The following PPP1R9A variants were observed in gnomAD, a reference collection of about 807,000 sequenced individuals.
PPP1R9A encodes the protein neurabin-1.
In PPP1R9A, 59 loss-of-function variants were observed where a neutral mutation model predicts 141.9. That is an observed-to-expected ratio of 0.42 (90% CI 0.34 to 0.52). PPP1R9A has a LOEUF of 0.52. Ranked by LOEUF, PPP1R9A falls within the 20% of genes least tolerant of loss-of-function variation. The pLI is 0.10. For synonymous variants in PPP1R9A, 500 were observed against 569.7 expected (o/e 0.88, Z 1.74); for missense variants, 1,444 against 1,611.9 (o/e 0.90, Z 1.78).
At chr7:95,183,924 A>C (rs1020948829) in intron 5 of PPP1R9A, among the ~76,000 whole-genome samples, 1 of 152,118 alleles carries the variant, frequency 6.6e-6, no homozygotes, top group South Asian at 2.1e-4. Flanking sequence ...GCTGGAGTGC[A>C]GTGGCCAGAT....
intron 2 of PPP1R9A, among the ~76,000 whole-genome samples, chr7:95,104,701 C>A (rs1819268616): frequency 6.6e-6 from 1 of 152,160 alleles, no homozygotes; most frequent in South Asian, 2.1e-4. Context: ...GATCAGTGAA[C>A]TAACCTTAAT....
At chr7:94,954,964 ATT>A (rs1413815483) in intron 2 of PPP1R9A, among the ~76,000 whole-genome samples, 5 of 151,724 alleles carry the variant, frequency 3.3e-5, no homozygotes, top group African/African-American at 1.2e-4. Flanking sequence ...CATTTAGGTC[ATT>A]TTTGTTATTC....
chr7:95,159,961 A>G (rs866746926), intron 4 of PPP1R9A, among the ~76,000 whole-genome samples: 31 of 151,604 alleles, frequency 2.0e-4, no homozygotes, highest in Middle Eastern at 3.4e-3. Context: ...GAAAGAAAAA[A>G]TGTGACTCAA....
At chr7:94,935,979 T>G (rs1223879930) in intron 2 of PPP1R9A, among the ~76,000 whole-genome samples, 2 of 152,184 alleles carry the variant, frequency 1.3e-5, no homozygotes, top group Non-Finnish European at 2.9e-5. Flanking sequence ...AAATAATTGA[T>G]AGTAGTAAAG....
At chr7:94,914,350 A>G (rs1791807217) in intron 2 of PPP1R9A, among the ~76,000 whole-genome samples, 1 of 152,200 alleles carries the variant, frequency 6.6e-6, no homozygotes, top group Admixed American at 6.5e-5. Context: ...ATATTTCCAT[A>G]AGATGTCTTA....
intron 4 of PPP1R9A, among the ~76,000 whole-genome samples, chr7:95,141,939 C>T (rs926496792): frequency 6.6e-6 from 1 of 152,004 alleles, no homozygotes; most frequent in Non-Finnish European, 1.5e-5. Context: ...GCCTTTTGAG[C>T]AACTACTAGA....
At chr7:94,985,309 G>T (rs927022234) in intron 2 of PPP1R9A, among the ~76,000 whole-genome samples, 7 of 152,158 alleles carry the variant, frequency 4.6e-5, no homozygotes, top group Admixed American at 6.5e-5. Flanking sequence ...GTTGATTTGG[G>T]GTGGAGAGTT....
At chr7:95,075,698 G>A (rs946623947) in intron 2 of PPP1R9A, among the ~76,000 whole-genome samples, 1 of 152,132 alleles carries the variant, frequency 6.6e-6, no homozygotes, top group East Asian at 1.9e-4. Flanking sequence ...TTAGCCTGGT[G>A]TGGTGGCGGG....
chr7:95,270,534 A>G (rs1003713084), intron 14 of PPP1R9A, among the ~76,000 whole-genome samples: 11 of 152,174 alleles, frequency 7.2e-5, no homozygotes, highest in Non-Finnish European at 1.6e-4. Context: ...AATGATAAGC[A>G]TCTAACGGAA....
intron 4 of PPP1R9A, 99 bp from the exon 5 acceptor site, chr7:95,161,767 TA>T: frequency 1.3e-6 from 1 of 774,106 alleles, no homozygotes; most frequent in Non-Finnish European, 2.0e-6. Flanking sequence ...AAGAGTATCT[TA>T]AAAATCACAT....
chr7:95,289,419 C>T lies in PPP1R9A; in HGVS notation c.3913-672C>T, dbSNP rs564627029. Among the ~76,000 whole-genome samples, 9 of 152,334 alleles carry T rather than the reference C, an allele frequency of 5.9e-5. No homozygotes were observed. In the South Asian group the frequency reaches 1.7e-3, roughly 28 times the overall value. ...CAATAGCTTGTGAATATGAAGGCCTCATTGACAAGGCTGTCCCTGTTGGGG... is the reference window on the plus strand; with the variant it reads ...CAATAGCTTGTGAATATGAAGGCCTTATTGACAAGGCTGTCCCTGTTGGGG... On this transcript the variant is annotated intron_variant, in intron 19 of 19. Transcript: ENST00000433360.
chr7:95,021,189 T>C, intron 2 of PPP1R9A, among the ~76,000 whole-genome samples: 1 of 152,202 alleles, frequency 6.6e-6, no homozygotes, highest in East Asian at 1.9e-4. Context: ...AGATGGTGTC[T>C]CATTGTGGTT....
Position 95,168,828 on chromosome 7 carries a change from A to G in PPP1R9A, c.1754+6857A>G, listed in dbSNP as rs768671378. Among the ~76,000 whole-genome samples, 6 of 152,208 alleles carry G rather than the reference A, an allele frequency of 3.9e-5. No individual in the cohort carries two copies. In the South Asian group the frequency reaches 6.2e-4, roughly 16 times the overall value. On this transcript the variant is annotated intron_variant, in intron 5 of 19. Transcript: ENST00000433360. ...TCAGAGAAATGCAAAATAAAACTGT[A>G]CTAAGATATCCGCTTACCCCAATTA...
rs576392820 is a variant in PPP1R9A at position 95,255,783 on chromosome 7, A to C, written c.2665+3653A>C. ...TTTCTGATTCATGGTCTTTATGTTG[A>C]AAAGGTAGAGCCATTTGAAATGACA... On this transcript the variant is annotated intron_variant, in intron 12 of 19. Coordinates refer to ENST00000433360, the MANE Select transcript of PPP1R9A (RefSeq NM_001166160.2). Among the ~76,000 whole-genome samples the C allele has an allele frequency of 6.6e-5, 10 of 152,278 alleles. No individual in the cohort carries two copies. The South Asian group carries it at 1.5e-3, about 22-fold the overall frequency.
chr7:95,064,285 C>T (rs543907181), intron 2 of PPP1R9A, among the ~76,000 whole-genome samples: 7 of 152,148 alleles, frequency 4.6e-5, no homozygotes, highest in African/African-American at 1.4e-4. Context: ...GATTCATTAA[C>T]TTTGAACTCA....
At chr7:94,984,069 T>A (rs1040914875) in intron 2 of PPP1R9A, among the ~76,000 whole-genome samples, 2 of 152,202 alleles carry the variant, frequency 1.3e-5, no homozygotes, top group African/African-American at 4.8e-5. Context: ...GAAGGCCTTT[T>A]TTGCATCTAT....
At chr7:95,017,524 A>C (rs559809512) in intron 2 of PPP1R9A, among the ~76,000 whole-genome samples, 11 of 152,280 alleles carry the variant, frequency 7.2e-5, no homozygotes, top group African/African-American at 2.4e-4. Context: ...CTTGGGTATA[A>C]ACAAAACAAA....
At position 95,178,714 on chromosome 7, in the gene PPP1R9A, A is replaced by G. The variant is rs561721735; in HGVS notation, c.1754+16743A>G. Among the ~76,000 whole-genome samples the G allele has an allele frequency of 2.0e-5, 3 of 152,334 alleles. No homozygotes were observed. In the East Asian group the frequency reaches 5.8e-4, roughly 29 times the overall value. On this transcript the variant is annotated intron_variant, in intron 5 of 19. Coordinates refer to ENST00000433360, the MANE Select transcript of PPP1R9A (RefSeq NM_001166160.2). ...GGAGCTATTATAACTGACACCACAG[A>G]AATACAAAAGATCATTCAAGGCTAC...
At chr7:95,014,271 C>T (rs569142837) in intron 2 of PPP1R9A, among the ~76,000 whole-genome samples, 1 of 152,092 alleles carries the variant, frequency 6.6e-6, no homozygotes, top group Admixed American at 6.6e-5. Context: ...ATTTAGACAT[C>T]ATGTCTCCCT....
Sources: allele counts gnomAD v4.1 joint callset (sites outside exome capture counted in the v4.1 genomes callset), GRCh38; gene constraint gnomAD v4.1.1; transcripts MANE v1.5; gene names NCBI Gene and HGNC (gene_info 2026-07-23, HGNC 2026-07-21).